The following PATJ variants were observed in gnomAD, a reference collection of about 807,000 sequenced individuals.
PATJ encodes inaD-like protein.
Under a neutral mutation model 224.9 loss-of-function variants are expected in PATJ, and 190 were observed. That is an observed-to-expected ratio of 0.84 (90% CI 0.75 to 0.95). The LOEUF is 0.95. Ranked by LOEUF, PATJ falls within the 40% of genes least tolerant of loss-of-function variation. The probability of loss-of-function intolerance (pLI) is 0.00; values close to 1 mark genes in which losing one functional copy is unlikely to be tolerated. For synonymous variants in PATJ, 769 were observed against 820.3 expected (o/e 0.94, Z 1.07); for missense variants, 2,121 against 2,270.3 (o/e 0.93, Z 1.34).
chr1:62,135,659 A>G lies in PATJ; in HGVS notation c.5271+6714A>G, dbSNP rs149938124. 3.7e-3 allele frequency among the ~76,000 whole-genome samples: 568 copies of G among 152,316 alleles called. 2 individuals are homozygous for G. Among genetic ancestry groups the G allele is most frequent in the Non-Finnish European group, 4.7e-3 (317 of 68,024 alleles). On this transcript the variant is annotated intron_variant, in intron 41 of 43. Transcript: ENST00000642238. The stretch of plus-strand genomic sequence containing the variant: ...AGGAGAGGTAGGCTGTAGTGTCAGA[A>G]AGTCGTGAGTTTGAATCCTTTTACT...
At chr1:61,953,666 G>A (rs1680036056) in intron 27 of PATJ, among the ~76,000 whole-genome samples, 2 of 152,144 alleles carry the variant, frequency 1.3e-5, no homozygotes, top group Non-Finnish European at 2.9e-5. Context: ...TCTCAAACTT[G>A]TATTGACAAG....
intron 40 of PATJ, 185 bp downstream of exon 40, chr1:62,128,279 A>G (rs1665931227): frequency 1.8e-6 from 1 of 561,534 alleles, no homozygotes; most frequent in Non-Finnish European, 3.1e-6. Flanking sequence ...ACATAAAAAT[A>G]TTATTATTTG....
chr1:61,919,137 A>G (rs1397665768), intron 26 of PATJ, among the ~76,000 whole-genome samples: 2 of 151,396 alleles, frequency 1.3e-5, no homozygotes, highest in African/African-American at 2.4e-5. Context: ...CTTATCTGTT[A>G]TATCTTTTTT....
At chr1:61,810,711 T>A (rs1446157624) in intron 14 of PATJ, among the ~76,000 whole-genome samples, 23 of 145,512 alleles carry the variant, frequency 1.6e-4, no homozygotes, top group African/African-American at 5.0e-4. Flanking sequence ...AATAAATAAA[T>A]AAATAAATAA....
intron 21 of PATJ, among the ~76,000 whole-genome samples, 166 bp from the exon 22 acceptor site, chr1:61,884,071 C>T (rs1356552809): frequency 6.6e-6 from 1 of 151,970 alleles, no homozygotes; most frequent in Non-Finnish European, 1.5e-5. Context: ...CACCATTGTA[C>T]CTATCATCAT....
intron 21 of PATJ, among the ~76,000 whole-genome samples, chr1:61,879,169 A>G (rs2149047512): frequency 6.6e-6 from 1 of 152,356 alleles, no homozygotes. Context: ...GATAATTTAT[A>G]ATGAATTACT....
chr1:61,860,326 G>T (rs1221450659), intron 18 of PATJ, among the ~76,000 whole-genome samples: 1 of 152,122 alleles, frequency 6.6e-6, no homozygotes, highest in Admixed American at 6.5e-5. Flanking sequence ...CTCCCAAAGT[G>T]CTGGAACTAC....
chr1:61,787,680 A>G, intron 7 of PATJ, 74 bp from the exon 8 acceptor site: 1 of 1,148,120 alleles, frequency 8.7e-7, no homozygotes, highest in Non-Finnish European at 1.3e-6. Flanking sequence ...CAGAGCTGAA[A>G]GTCTGATGAA....
chr1:62,068,307 G>C (rs1428134683), intron 31 of PATJ, among the ~76,000 whole-genome samples: 1 of 152,192 alleles, frequency 6.6e-6, no homozygotes. Context: ...TCAAGGGCTA[G>C]AGGTTTGTTT....
intron 22 of PATJ, among the ~76,000 whole-genome samples, chr1:61,884,669 T>C (rs1668577880): frequency 6.6e-6 from 1 of 151,690 alleles, no homozygotes; most frequent in South Asian, 2.1e-4. Flanking sequence ...TAATTCAGAG[T>C]TTAACAACTC....
intron 41 of PATJ, among the ~76,000 whole-genome samples, chr1:62,144,756 A>T (rs1219751921): frequency 8.6e-6 from 1 of 116,692 alleles, no homozygotes; most frequent in African/African-American, 3.4e-5. Context: ...ATGCTCTAGA[A>T]TGTTATTTGC....
At chr1:61,964,851 C>T (rs189285050) in intron 27 of PATJ, among the ~76,000 whole-genome samples, 4 of 151,798 alleles carry the variant, frequency 2.6e-5, no homozygotes, top group African/African-American at 9.7e-5. Flanking sequence ...GTGGCCGATG[C>T]CTGTAATCCC....
In PATJ at chr1:61,855,960, C is replaced by T; in HGVS notation, c.2113-70C>T. 4 of 1,117,238 alleles carry T rather than the reference C, an allele frequency of 3.6e-6. No homozygotes were observed. The South Asian group carries it at 5.3e-5, about 15-fold the overall frequency. The allele number at this position is 1,117,238 out of a possible 1,614,324, so 69.2% of individuals were successfully genotyped here. A position where few individuals can be genotyped will look rare whatever the true frequency, so the allele number is the denominator to read the frequency against. The stretch of plus-strand genomic sequence containing the variant: ...GTCAAATAAGATTCATCAGTCAACT[C>T]AAGCTGTCCTAAGGCTGCATATTTA... On this transcript the variant is annotated intron_variant, in intron 17 of 43. Coordinates refer to ENST00000642238, the MANE Select transcript of PATJ (RefSeq NM_001350145.3).
chr1:61,746,229 A>G (rs936232513), intron 1 of PATJ, among the ~76,000 whole-genome samples: 1 of 152,164 alleles, frequency 6.6e-6, no homozygotes, highest in African/African-American at 2.4e-5. Flanking sequence ...GATGTGAGCC[A>G]TCACGCCTGG....
intron 31 of PATJ, among the ~76,000 whole-genome samples, chr1:62,063,748 AT>A (rs2148655205): frequency 6.6e-6 from 1 of 152,012 alleles, no homozygotes; most frequent in South Asian, 2.1e-4. Context: ...ATCCCTAGGT[AT>A]TTTTTTGTGT....
At chr1:61,759,938 TAATA>T (rs1396636312) in intron 1 of PATJ, among the ~76,000 whole-genome samples, 1 of 152,218 alleles carries the variant, frequency 6.6e-6, no homozygotes, top group Non-Finnish European at 1.5e-5. Context: ...TATTAATCTC[TAATA>T]AATCAATAAA....
rs538682734 is a variant in PATJ, at chr1:62,075,843, G to A, written c.4126-3607G>A. On this transcript the variant is annotated intron_variant, in intron 31 of 43. Coordinates refer to ENST00000642238, the MANE Select transcript of PATJ (RefSeq NM_001350145.3). ...TGAGGCAGGAGAATGATGTGAACCC[G>A]AGAGGCAGAGCTTGCAGTGACCAGA... is the stretch of plus-strand genomic sequence containing the variant. Among the ~76,000 whole-genome samples, 72 of 151,618 alleles carry A rather than the reference G, an allele frequency of 4.7e-4. 1 individual carries two copies. The highest frequency in any genetic ancestry group is 1.5e-3 in the African/African-American group (62 of 41,324).
chr1:62,159,277 C>T (rs995891344), intron 43 of PATJ, among the ~76,000 whole-genome samples: 2 of 152,060 alleles, frequency 1.3e-5, no homozygotes, highest in African/African-American at 4.8e-5. Flanking sequence ...CTGCAACCTC[C>T]GCCTCCCAGG....
intron 1 of PATJ, among the ~76,000 whole-genome samples, chr1:61,754,616 C>G (rs917833896): frequency 6.7e-6 from 1 of 149,216 alleles, no homozygotes; most frequent in Non-Finnish European, 1.5e-5. Flanking sequence ...CCCACTTGGG[C>G]CTTTCAAAGT....
Sources: gnomAD v4.1 joint callset for allele counts (sites outside exome capture counted in the v4.1 genomes callset) on GRCh38, gnomAD v4.1.1 for gene constraint, MANE v1.5 for transcripts, NCBI Gene and HGNC (gene_info 2026-07-23, HGNC 2026-07-21) for gene names.